Variants in TNS4 observed in about 807,000 individuals in gnomAD.
The protein encoded by TNS4 is tensin-4.
In TNS4, 46 loss-of-function variants were observed where a neutral mutation model predicts 70.4. The observed-to-expected ratio is 0.65, with a 90% confidence interval of 0.52 to 0.84. The LOEUF (loss-of-function observed/expected upper bound fraction) is 0.84. TNS4 is among the 40% of genes least tolerant of loss of function. The pLI, the probability that TNS4 is intolerant of heterozygous loss-of-function variation, is 0.00. For missense variants in TNS4, 863 were observed against 907.0 expected, an observed-to-expected ratio of 0.95 and a Z score of 0.62; for synonymous variants, 390 against 366.6, an observed-to-expected ratio of 1.06 and a Z score of -0.73.
intron 2 of TNS4, among the ~76,000 whole-genome samples, chr17:40,492,843 A>C (rs373060078): frequency 2.6e-4 from 39 of 152,076 alleles, no homozygotes; most frequent in Middle Eastern, 3.4e-3. Context: ...TCAAGAGTTC[A>C]AGACCAGCCT....
chr17:40,489,151 A>G (rs887437988), intron 2 of TNS4, among the ~76,000 whole-genome samples, 182 bp from the exon 3 acceptor site: 1 of 151,960 alleles, frequency 6.6e-6, no homozygotes, highest in Non-Finnish European at 1.5e-5. Context: ...CCTCCCTGTG[A>G]CAACTTCCCT....
rs750186791 is a variant in TNS4, at chr17:40,482,379, G to A, written c.1539C>T (p.Ile513=). 7 of 1,613,972 alleles carry A rather than the reference G, an allele frequency of 4.3e-6. No homozygotes were observed. The highest frequency in any genetic ancestry group is 2.2e-5 in the South Asian group (2 of 91,084). The part of the protein sequence containing the change: ...DSNDLIRHFL[I]ESSAKGVHLK... ...GATGCACTCCTTTGGCAGACGACTC[G>A]ATGAGGAAGTGTCGGATGAGGTCAT... Residue 513 remains isoleucine (I), a synonymous_variant, in exon 7 of 13, where the codon ATC becomes ATT. Coordinates refer to ENST00000254051, the MANE Select transcript of TNS4 (RefSeq NM_032865.6).
intron 1 of TNS4, among the ~76,000 whole-genome samples, chr17:40,499,386 C>T (rs1331960673): frequency 6.6e-6 from 1 of 152,158 alleles, no homozygotes; most frequent in Non-Finnish European, 1.5e-5. Context: ...TTGCTGATGC[C>T]CCCGGCCGAA....
intron 9 of TNS4, chr17:40,480,069 A>ATGGG: frequency 1.8e-6 from 1 of 564,238 alleles, no homozygotes; most frequent in East Asian, 3.0e-5. Flanking sequence ...CTGGCCCTCC[A>ATGGG]GCATGGGGCA....
Position 40,484,980 on chromosome 17 carries a change from A to G in TNS4, c.1316T>C (p.Met439Thr), listed in dbSNP as rs1366457822. Residue 439 changes from methionine to threonine, a missense_variant, in exon 5 of 13, where the codon ATG becomes ACG. Transcript: ENST00000254051. The stretch of plus-strand genomic sequence containing the variant: ...TTTAGATGTGTCCATCACGAACTTC[A>G]TGGTGGGCTGCATGTCCCTGGCGGG... ...EGPARDMQPTMKFVMDTSKYW... is the reference protein window; with the variant it reads ...EGPARDMQPTTKFVMDTSKYW... 6 of 1,614,188 alleles carry G rather than the reference A, an allele frequency of 3.7e-6. No individual in the cohort carries two copies. Among genetic ancestry groups the G allele is most frequent in the South Asian group, 2.2e-5 (2 of 91,082 alleles).
In TNS4 at chr17:40,496,001, T is replaced by G; in HGVS notation, c.425A>C (p.Glu142Ala). The change falls in exon 2 of 13, where the codon GAA becomes GCA. Residue 142 changes from glutamate to alanine, a missense_variant. Physicochemically the swap from Glu to Ala is moderately radical, Grantham distance 107 (BLOSUM62 -1). Transcript: ENST00000254051. ...CAAATCCTTACCCAAGGCTTCAGAT[T>G]CCTCCTTCTTTCTCATTGACATGGT... Reference protein sequence around the residue: ...QSTMSMRKKEESEALDIKYIE... With the variant: ...QSTMSMRKKEASEALDIKYIE... The G allele has an allele frequency of 6.2e-7, 1 of 1,610,908 alleles. No homozygotes were observed. The highest frequency in any genetic ancestry group is 8.5e-7 in the Non-Finnish European group (1 of 1,178,846).
chr17:40,478,483 G>A, intron 11 of TNS4, 97 bp downstream of exon 11: 1 of 1,560,020 alleles, frequency 6.4e-7, no homozygotes, highest in Non-Finnish European at 8.8e-7. Context: ...AGGTTCACAG[G>A]CTCCCTCTGG....
At chr17:40,480,611 T>TGTGCGTGC in intron 9 of TNS4, 89 bp downstream of exon 9, 2 of 1,260,544 alleles carry the variant, frequency 1.6e-6, no homozygotes, top group Admixed American at 3.3e-5. Flanking sequence ...CCTGTGCGTG[T>TGTGCGTGC]GTGCGTGCAT....
intron 1 of TNS4, among the ~76,000 whole-genome samples, chr17:40,498,562 G>GT (rs536140931): frequency 2.0e-5 from 3 of 151,518 alleles, no homozygotes; most frequent in Admixed American, 6.6e-5. Context: ...CAGTCCTCTT[G>GT]TTTTTTTTTC....
Position 40,477,639 on chromosome 17 carries a change from C to T in TNS4, c.2097G>A (p.Ser699=), listed in dbSNP as rs1289251702. The change falls in exon 13 of 13, where the codon TCG becomes TCA. Residue 699 remains serine, a synonymous_variant. Coordinates refer to ENST00000254051, the MANE Select transcript of TNS4 (RefSeq NM_032865.6). ...GAGCAGTCACCAGGCCGATGACCTG[C>T]GAGGCTGGCTGGACCATGTCATACT... ...FAEYDMVQPA[S]QVIGLVTALL... The T allele has an allele frequency of 8.7e-6, 14 of 1,614,020 alleles. No individual in the cohort carries two copies. Among genetic ancestry groups the T allele is most frequent in the Non-Finnish European group, 1.0e-5 (12 of 1,180,036 alleles).
intron 4 of TNS4, 127 bp from the exon 5 acceptor site, chr17:40,485,134 G>T: frequency 1.4e-6 from 1 of 733,274 alleles, no homozygotes; most frequent in Non-Finnish European, 2.3e-6. Context: ...CACCATCCCA[G>T]ACCCTAACCC....
chr17:40,486,925 GAC>G (rs2143802141), intron 4 of TNS4, 109 bp downstream of exon 4: 1 of 1,393,066 alleles, frequency 7.2e-7, no homozygotes, highest in South Asian at 1.3e-5. Flanking sequence ...CATAGTGCCA[GAC>G]ACACAATAGT....
chr17:40,477,776 A>C, intron 12 of TNS4, 47 bp from the exon 13 acceptor site: 1 of 1,603,650 alleles, frequency 6.2e-7, no homozygotes, highest in Non-Finnish European at 8.5e-7. Flanking sequence ...CCAGGGAGGC[A>C]TCAGGCTGGT....
chr17:40,484,956 T>A lies in TNS4; in HGVS notation c.1340A>T (p.Lys447Ile). Residue 447 changes from lysine to isoleucine, a missense_variant, in exon 5 of 13, where the codon AAA becomes ATA. Lys to Ile is a moderately radical substitution (Grantham distance 102). Transcript: ENST00000254051. Reference sequence around the variant, plus strand: ...GGTGATGTTTGGCTTAAACCAGTATTTAGATGTGTCCATCACGAACTTCAT... The same window carrying A: ...GGTGATGTTTGGCTTAAACCAGTATATAGATGTGTCCATCACGAACTTCAT... ...PTMKFVMDTS[K>I]YWFKPNITRE... 1 of 1,614,206 alleles carries A rather than the reference T, an allele frequency of 6.2e-7. No homozygotes were observed. Among genetic ancestry groups the A allele is most frequent in the Non-Finnish European group, 8.5e-7 (1 of 1,180,038 alleles).
At chr17:40,484,146 A>G (rs2035961341) in intron 6 of TNS4, among the ~76,000 whole-genome samples, 1 of 152,232 alleles carries the variant, frequency 6.6e-6, no homozygotes, top group Non-Finnish European at 1.5e-5. Flanking sequence ...GTAATCACAC[A>G]TTAGGTTCCC....
chr17:40,491,221 A>G (rs9303289), intron 2 of TNS4, among the ~76,000 whole-genome samples: 73,203 of 152,044 alleles, frequency 0.48, 18,701 homozygotes, highest in African/African-American at 0.66. Context: ...AGGAAACTGA[A>G]GCTTGGAGAA....
At chr17:40,481,829 G>T (rs763872034) in intron 8 of TNS4, among the ~76,000 whole-genome samples, 1 of 152,204 alleles carries the variant, frequency 6.6e-6, no homozygotes, top group African/African-American at 2.4e-5. Flanking sequence ...CTCAAAGCAG[G>T]CTGCTATTTA....
At chr17:40,488,111 T>G (rs760634570) in intron 3 of TNS4, among the ~76,000 whole-genome samples, 6 of 152,170 alleles carry the variant, frequency 3.9e-5, no homozygotes, top group Admixed American at 6.5e-5. Context: ...GCTGGGATGA[T>G]TGTGATTCCC....
intron 5 of TNS4, 101 bp downstream of exon 5, chr17:40,484,820 G>A: frequency 6.9e-7 from 1 of 1,457,408 alleles, no homozygotes; most frequent in Non-Finnish European, 9.5e-7. Context: ...CCGCTTCCCA[G>A]GACCCACTAT....
Sources: gnomAD v4.1 joint callset for allele counts (sites outside exome capture counted in the v4.1 genomes callset) on GRCh38, gnomAD v4.1.1 for gene constraint, MANE v1.5 for transcripts, NCBI Gene and HGNC (gene_info 2026-07-23, HGNC 2026-07-21) for gene names.